SH3BGRL: variants seen among roughly 807,000 people sequenced by gnomAD.
SH3BGRL encodes adapter SH3BGRL.
In SH3BGRL, 7 loss-of-function variants were observed where a neutral mutation model predicts 9.8. The ratio of observed to expected loss-of-function variants is 0.72; its 90% confidence interval spans 0.41 to 1.35. The LOEUF is 1.35. SH3BGRL is among the 40% of genes most tolerant of loss of function. The pLI is 0.01. For synonymous variants in SH3BGRL, 36 were observed against 29.1 expected, an observed-to-expected ratio of 1.24 and a Z score of -0.76; for missense variants, 73 against 84.4, an observed-to-expected ratio of 0.86 and a Z score of 0.53.
In SH3BGRL at chrX:81,256,635, G is replaced by A. The variant is rs185029037; in HGVS notation, c.46-20349G>A. 3.5e-3 allele frequency among the ~76,000 whole-genome samples: 388 copies of A among 112,063 alleles called. 1 individual carries two copies. The highest frequency in any genetic ancestry group is 9.6e-3 in the African/African-American group (297 of 30,899). ...TGTTTCTCAGAGCCCCATGATGTGAGTGAGGAAAGTTATTAGGCTTCATTA... is the reference window on the plus strand; with the variant it reads ...TGTTTCTCAGAGCCCCATGATGTGAATGAGGAAAGTTATTAGGCTTCATTA... On this transcript the variant is annotated intron_variant, in intron 1 of 3. Transcript: ENST00000373212.
At chrX:81,278,305 A>G (rs775819150) in intron 2 of SH3BGRL, 26 bp from the exon 3 acceptor site, 1 of 1,079,965 alleles carries the variant, frequency 9.3e-7, no homozygotes, top group Non-Finnish European at 1.3e-6. Flanking sequence ...CATATTGCTA[A>G]TTCATCTTAT....
chrX:81,259,296 T>C (rs1312430120), intron 1 of SH3BGRL, among the ~76,000 whole-genome samples: 1 of 112,101 alleles, frequency 8.9e-6, no homozygotes, highest in African/African-American at 3.2e-5. Context: ...GGATGTGGAT[T>C]GTCTTTGTTG....
chrX:81,288,490 T>G (rs1316104738), intron 3 of SH3BGRL, among the ~76,000 whole-genome samples: 2 of 111,267 alleles, frequency 1.8e-5, no homozygotes, highest in African/African-American at 3.3e-5. Context: ...AATGAAGAAG[T>G]CAAATTATCC....
chrX:81,294,603 A>C (rs1211413770), intron 3 of SH3BGRL, among the ~76,000 whole-genome samples: 4 of 111,141 alleles, frequency 3.6e-5, no homozygotes, highest in Non-Finnish European at 7.5e-5. Flanking sequence ...CTGCTAGGGC[A>C]GTGCAGAAGG....
At chrX:81,284,795 T>C (rs1056127192) in intron 3 of SH3BGRL, among the ~76,000 whole-genome samples, 2 of 109,943 alleles carry the variant, frequency 1.8e-5, no homozygotes, top group African/African-American at 6.6e-5. Context: ...GCTAAGATCA[T>C]AAATAAATAA....
At chrX:81,217,811 T>C (rs1346354230) in intron 1 of SH3BGRL, among the ~76,000 whole-genome samples, 1 of 111,277 alleles carries the variant, frequency 9.0e-6, no homozygotes, top group Admixed American at 9.6e-5. Flanking sequence ...TTTGTTGACT[T>C]TCTGTCTTGA....
At chrX:81,219,834 T>C (rs1442103709) in intron 1 of SH3BGRL, among the ~76,000 whole-genome samples, 2 of 111,708 alleles carry the variant, frequency 1.8e-5, no homozygotes, top group East Asian at 5.6e-4. Context: ...TGAAGGTATG[T>C]TGAATTTTAT....
rs143235014 is a variant in SH3BGRL, at chrX:81,258,841, G to C, written c.46-18143G>C. 6.5e-3 allele frequency among the ~76,000 whole-genome samples: 729 copies of C among 112,362 alleles called. 3 individuals carry two copies. Among genetic ancestry groups the C allele is most frequent in the Non-Finnish European group, 0.012 (625 of 53,184 alleles). On this transcript the variant is annotated intron_variant, in intron 1 of 3. Transcript: ENST00000373212. ...ACATTTGGGAAATCTGTATTTCCTT[G>C]TGTACAGGGACAGATTGGACTAATT...
At chrX:81,220,024 A>C (rs762860969) in intron 1 of SH3BGRL, among the ~76,000 whole-genome samples, 1 of 110,630 alleles carries the variant, frequency 9.0e-6, no homozygotes, top group African/African-American at 3.3e-5. Flanking sequence ...TTTTTTTAGT[A>C]TTTTGTTGAG....
Position 81,229,963 on chromosome X carries a change from A to G in SH3BGRL, c.45+27718A>G, listed in dbSNP as rs1426931519. 1.1e-4 allele frequency among the ~76,000 whole-genome samples: 12 copies of G among 111,776 alleles called. 1 individual carries two copies. Among genetic ancestry groups the G allele is most frequent in the African/African-American group, 3.9e-4 (12 of 30,751 alleles). Reference sequence around the variant, plus strand: ...CGCTTCCATGCTCCTCTTCTGTATCAATTCTAGGCATATGTCGTAGTGGAA... The same window carrying G: ...CGCTTCCATGCTCCTCTTCTGTATCGATTCTAGGCATATGTCGTAGTGGAA... On this transcript the variant is annotated intron_variant, in intron 1 of 3. Coordinates refer to ENST00000373212, the MANE Select transcript of SH3BGRL (RefSeq NM_003022.3).
chrX:81,244,616 G>C (rs1784281724), intron 1 of SH3BGRL, among the ~76,000 whole-genome samples: 1 of 111,798 alleles, frequency 8.9e-6, no homozygotes, highest in South Asian at 3.7e-4. Context: ...TCAAGTATCT[G>C]ATTAACAGCT....
chrX:81,208,253 C>T (rs2075553481), intron 1 of SH3BGRL, among the ~76,000 whole-genome samples: 1 of 109,947 alleles, frequency 9.1e-6, no homozygotes, highest in Admixed American at 9.6e-5. Context: ...CAGAGCGAGA[C>T]ACCGTCTCAA....
At chrX:81,245,459 G>A (rs1417181542) in intron 1 of SH3BGRL, among the ~76,000 whole-genome samples, 1 of 111,860 alleles carries the variant, frequency 8.9e-6, no homozygotes. Context: ...GGTTTGGCGA[G>A]CTTGCTTTTA....
At chrX:81,230,912 A>C (rs1343768605) in intron 1 of SH3BGRL, among the ~76,000 whole-genome samples, 3 of 111,865 alleles carry the variant, frequency 2.7e-5, no homozygotes, top group Non-Finnish European at 3.8e-5. Context: ...TAAGATAAAA[A>C]AAAATCTTAG....
chrX:81,279,964 C>G (rs772989647), intron 3 of SH3BGRL, among the ~76,000 whole-genome samples: 2 of 111,519 alleles, frequency 1.8e-5, no homozygotes, highest in South Asian at 3.8e-4. Flanking sequence ...TGCCCTCCAC[C>G]TGGAAACAGA....
chrX:81,220,670 G>T (rs2075597539), intron 1 of SH3BGRL, among the ~76,000 whole-genome samples: 1 of 106,967 alleles, frequency 9.3e-6, no homozygotes, highest in Non-Finnish European at 1.9e-5. Context: ...GGTATGATTT[G>T]ATCTTGCTTT....
intron 1 of SH3BGRL, among the ~76,000 whole-genome samples, chrX:81,274,603 A>C (rs890504826): frequency 1.8e-5 from 2 of 110,211 alleles, no homozygotes; most frequent in African/African-American, 6.6e-5. Context: ...GAAAAAAAAA[A>C]AGCAATAATT....
intron 1 of SH3BGRL, among the ~76,000 whole-genome samples, chrX:81,258,353 A>G (rs2075731716): frequency 8.9e-6 from 1 of 112,231 alleles, no homozygotes; most frequent in South Asian, 3.7e-4. Context: ...TTACATAACT[A>G]CTTCAGACTC....
chrX:81,241,552 C>G (rs1333390124), intron 1 of SH3BGRL, among the ~76,000 whole-genome samples: 1 of 111,979 alleles, frequency 8.9e-6, no homozygotes, highest in Non-Finnish European at 1.9e-5. Flanking sequence ...CTCTGGCAGA[C>G]ATTGGGATTA....
Sources: gnomAD v4.1 joint callset for allele counts (sites outside exome capture counted in the v4.1 genomes callset) on GRCh38, gnomAD v4.1.1 for gene constraint, MANE v1.5 for transcripts, NCBI Gene and HGNC (gene_info 2026-07-23, HGNC 2026-07-21) for gene names.